The following PELI2 variants were observed in gnomAD, a reference collection of about 807,000 sequenced individuals.
The protein encoded by PELI2 is pellino E3 ubiquitin protein ligase family member 2, also known as E3 ubiquitin-protein ligase pellino homolog 2.
A neutral mutation model predicts 42.3 loss-of-function variants in PELI2; 23 were observed. The observed-to-expected ratio is 0.54, with a 90% CI of 0.39 to 0.77. PELI2 has a LOEUF of 0.77. PELI2 is among the 30% of genes least tolerant of loss of function. The probability of loss-of-function intolerance (pLI) is 0.00; values close to 1 mark genes in which losing one functional copy is unlikely to be tolerated. For synonymous variants in PELI2, 245 were observed against 212.2 expected (o/e 1.15, Z -1.34); for missense variants, 463 against 553.2 (o/e 0.84, Z 1.64).
intron 3 of PELI2, among the ~76,000 whole-genome samples, chr14:56,280,217 T>G (rs1413212669): frequency 6.6e-6 from 1 of 151,998 alleles, no homozygotes; most frequent in Non-Finnish European, 1.5e-5. Flanking sequence ...GTGCTTTCAT[T>G]ATTAAGAGGA....
intron 1 of PELI2, among the ~76,000 whole-genome samples, chr14:56,168,605 G>A (rs970693350): frequency 6.6e-6 from 1 of 151,982 alleles, no homozygotes. Context: ...GACCAGAAAT[G>A]CCATCCAAGA....
At chr14:56,213,986 G>C (rs1386461453) in intron 2 of PELI2, among the ~76,000 whole-genome samples, 1 of 152,098 alleles carries the variant, frequency 6.6e-6, no homozygotes, top group East Asian at 1.9e-4. Context: ...CAAGTAGCTG[G>C]AACTACAGGC....
At chr14:56,162,420 C>G (rs575802725) in intron 1 of PELI2, among the ~76,000 whole-genome samples, 2 of 152,268 alleles carry the variant, frequency 1.3e-5, no homozygotes, top group African/African-American at 4.8e-5. Context: ...CCAGTTCCAT[C>G]CACATTGTTG....
At chr14:56,196,955 T>C (rs1886153155) in intron 2 of PELI2, among the ~76,000 whole-genome samples, 1 of 152,210 alleles carries the variant, frequency 6.6e-6, no homozygotes, top group African/African-American at 2.4e-5. Context: ...AAGAAGTGCT[T>C]ATCTATCTCA....
chr14:56,271,971 G>A (rs952235769), intron 2 of PELI2, among the ~76,000 whole-genome samples: 3 of 152,156 alleles, frequency 2.0e-5, no homozygotes, highest in Admixed American at 6.5e-5. Flanking sequence ...AGAGCACCAC[G>A]TTCAGATATG....
intron 1 of PELI2, among the ~76,000 whole-genome samples, chr14:56,159,232 A>G (rs1884671401): frequency 2.0e-5 from 3 of 152,208 alleles, no homozygotes; most frequent in Admixed American, 2.0e-4. Context: ...TTGAGGAGGC[A>G]CTGCTTTAGG....
intron 4 of PELI2, among the ~76,000 whole-genome samples, chr14:56,289,141 C>T (rs1889742541): frequency 6.6e-6 from 1 of 152,192 alleles, no homozygotes; most frequent in African/African-American, 2.4e-5. Flanking sequence ...CCAGGTTTAA[C>T]ATAGTTTCCT....
At chr14:56,279,407 G>A (rs1889400635) in intron 2 of PELI2, among the ~76,000 whole-genome samples, 2 of 152,166 alleles carry the variant, frequency 1.3e-5, no homozygotes, top group South Asian at 4.1e-4. Context: ...GAATGTGATT[G>A]AATCGAGTCT....
intron 2 of PELI2, among the ~76,000 whole-genome samples, chr14:56,217,278 C>G (rs1246330806): frequency 6.6e-6 from 1 of 152,224 alleles, no homozygotes; most frequent in African/African-American, 2.4e-5. Flanking sequence ...AGCCCAGCGC[C>G]CCTGCCCCCT....
chr14:56,277,594 T>C (rs566424643), intron 2 of PELI2, among the ~76,000 whole-genome samples: 1 of 152,124 alleles, frequency 6.6e-6, no homozygotes, highest in Admixed American at 6.5e-5. Context: ...CCTGATCCAG[T>C]CCATGGAAAA....
At chr14:56,143,854 T>C (rs1337674463) in intron 1 of PELI2, among the ~76,000 whole-genome samples, 1 of 152,200 alleles carries the variant, frequency 6.6e-6, no homozygotes, top group Admixed American at 6.5e-5. Context: ...CAGCCTGCAA[T>C]CAACCACTTT....
chr14:56,166,625 T>A (rs888147982), intron 1 of PELI2, among the ~76,000 whole-genome samples: 2 of 152,034 alleles, frequency 1.3e-5, no homozygotes, highest in Non-Finnish European at 2.9e-5. Context: ...CTTTGAAGGA[T>A]TTTTTTTCTA....
intron 2 of PELI2, among the ~76,000 whole-genome samples, chr14:56,194,100 T>A (rs2139693384): frequency 6.6e-6 from 1 of 152,348 alleles, no homozygotes; most frequent in East Asian, 1.9e-4. Context: ...TTTATGGACT[T>A]GTACGTCGTA....
chr14:56,292,120 G>T (rs1465704465), intron 5 of PELI2, among the ~76,000 whole-genome samples: 1 of 152,188 alleles, frequency 6.6e-6, no homozygotes, highest in Admixed American at 6.5e-5. Context: ...GAATTTTACA[G>T]TGCGACTGAA....
intron 2 of PELI2, among the ~76,000 whole-genome samples, chr14:56,234,576 G>C (rs910463725): frequency 9.2e-5 from 14 of 152,118 alleles, no homozygotes; most frequent in Admixed American, 5.9e-4. Flanking sequence ...ACAGGGTGGG[G>C]AACATCGCAC....
At chr14:56,283,750 A>C (rs1334292651) in intron 3 of PELI2, among the ~76,000 whole-genome samples, 1 of 152,284 alleles carries the variant, frequency 6.6e-6, no homozygotes, top group East Asian at 1.9e-4. Context: ...AGCCTCTTTA[A>C]ATAAAGTATG....
chr14:56,157,762 A>G (rs750159162), intron 1 of PELI2, among the ~76,000 whole-genome samples: 1 of 152,206 alleles, frequency 6.6e-6, no homozygotes, highest in Non-Finnish European at 1.5e-5. Flanking sequence ...TTTAAAGTAA[A>G]TATATATTAG....
chr14:56,181,231 TGG>T (rs1679669564), intron 2 of PELI2, among the ~76,000 whole-genome samples: 1 of 152,106 alleles, frequency 6.6e-6, no homozygotes, highest in Admixed American at 6.5e-5. Context: ...TTGGCCCACT[TGG>T]CCTCTCCAGG....
At chr14:56,196,388 T>A (rs527723702) in intron 2 of PELI2, among the ~76,000 whole-genome samples, 114 of 152,362 alleles carry the variant, frequency 7.5e-4, no homozygotes, top group African/African-American at 2.6e-3. Flanking sequence ...TAGTCTCTGA[T>A]AATTTGATAT....
Sources: gnomAD v4.1 joint callset for allele counts (sites outside exome capture counted in the v4.1 genomes callset) on GRCh38, gnomAD v4.1.1 for gene constraint, MANE v1.5 for transcripts, NCBI Gene and HGNC (gene_info 2026-07-23, HGNC 2026-07-21) for gene names.